Variants in PAK5 observed in about 807,000 individuals in gnomAD.
The protein encoded by PAK5 is p21 (RAC1) activated kinase 5.
Under a neutral mutation model 65.9 loss-of-function variants are expected in PAK5, and 16 were observed. The observed-to-expected ratio is 0.24, with a 90% CI of 0.16 to 0.37. The LOEUF (loss-of-function observed/expected upper bound fraction) is 0.37, where lower values mean the gene tolerates loss of function less well. Among genes scored for constraint, PAK5 ranks in the 10% least tolerant of loss-of-function variants. The pLI is 1.00. For missense variants in PAK5, 785 were observed against 903.9 expected (o/e 0.87, Z 1.69); for synonymous variants, 371 against 354.9 (o/e 1.05, Z -0.51).
intron 1 of PAK5, among the ~76,000 whole-genome samples, chr20:9,715,367 A>G (rs2123499513): frequency 6.6e-6 from 1 of 152,214 alleles, no homozygotes; most frequent in Non-Finnish European, 1.5e-5. Context: ...CACCAGTTAG[A>G]ATGGCGATCA....
rs546330896 is a variant in PAK5, at chr20:9,692,795, CCAA to C, written c.-12+18488_-12+18490del. Among the ~76,000 whole-genome samples, 206 of 152,058 alleles carry C rather than the reference CCAA, an allele frequency of 1.4e-3. 4 individuals carry two copies. Among genetic ancestry groups the C allele is most frequent in the Admixed American group, 0.01 (157 of 15,256 alleles). ...TAGAATGAGTGAGAGTTCACCTGGG[CCAA>C]TCAATACCAGCTTGGCAGCTGTGTG... On this transcript the variant is annotated intron_variant, in intron 2 of 9. Coordinates refer to ENST00000353224, the MANE Select transcript of PAK5 (RefSeq NM_177990.4).
chr20:9,779,111 G>A (rs181504245), intron 1 of PAK5, among the ~76,000 whole-genome samples: 2 of 152,046 alleles, frequency 1.3e-5, no homozygotes, highest in African/African-American at 4.8e-5. Context: ...ATATTCAAAT[G>A]GACAAGATAT....
At chr20:9,797,583 C>T (rs1371727032) in intron 1 of PAK5, among the ~76,000 whole-genome samples, 7 of 151,216 alleles carry the variant, frequency 4.6e-5, no homozygotes, top group Admixed American at 4.6e-4. Flanking sequence ...CAACACGGCA[C>T]ATGTATGCAT....
At chr20:9,674,936 G>A (rs988569775) in intron 2 of PAK5, among the ~76,000 whole-genome samples, 1 of 152,164 alleles carries the variant, frequency 6.6e-6, no homozygotes, top group Non-Finnish European at 1.5e-5. Flanking sequence ...CTCAGAGAAG[G>A]AGCTAGCTGC....
intron 1 of PAK5, among the ~76,000 whole-genome samples, chr20:9,716,940 C>G (rs2048154534): frequency 6.6e-6 from 1 of 151,884 alleles, no homozygotes; most frequent in African/African-American, 2.4e-5. Context: ...CAAAAATGAG[C>G]TGGGTGTGGT....
chr20:9,644,459 T>G, intron 2 of PAK5, 120 bp from the exon 3 acceptor site: 1 of 651,354 alleles, frequency 1.5e-6, no homozygotes, highest in Non-Finnish European at 2.6e-6. Flanking sequence ...AGATCCCAGC[T>G]GCAAAAGATA....
chr20:9,591,045 T>C (rs1436302087), intron 3 of PAK5, among the ~76,000 whole-genome samples: 1 of 152,326 alleles, frequency 6.6e-6, no homozygotes. Flanking sequence ...AGTCCGTAAA[T>C]TGGTTTAATA....
intron 1 of PAK5, among the ~76,000 whole-genome samples, chr20:9,815,923 G>C (rs1474411413): frequency 1.3e-5 from 2 of 152,120 alleles, no homozygotes; most frequent in East Asian, 3.8e-4. Context: ...CATAATGAAG[G>C]TTGCTCTGTA....
At chr20:9,637,368 C>T (rs2046995976) in intron 3 of PAK5, among the ~76,000 whole-genome samples, 1 of 152,058 alleles carries the variant, frequency 6.6e-6, no homozygotes, top group Admixed American at 6.6e-5. Context: ...GACATTATCA[C>T]ATGTAATGTA....
chr20:9,792,816 C>G (rs1254439385), intron 1 of PAK5, among the ~76,000 whole-genome samples: 1 of 152,044 alleles, frequency 6.6e-6, no homozygotes, highest in African/African-American at 2.4e-5. Flanking sequence ...TATTTAACCT[C>G]GGATCAAGTG....
chr20:9,796,538 G>C (rs1270109072), intron 1 of PAK5, among the ~76,000 whole-genome samples: 3 of 152,106 alleles, frequency 2.0e-5, no homozygotes, highest in African/African-American at 7.2e-5. Flanking sequence ...TAAATGAAAA[G>C]TTTAAATTTT....
At chr20:9,581,556 A>G (rs1195665623) in intron 3 of PAK5, among the ~76,000 whole-genome samples, 1 of 152,184 alleles carries the variant, frequency 6.6e-6, no homozygotes, top group Admixed American at 6.6e-5. Flanking sequence ...TTATGATCAA[A>G]TGTGATATTC....
At chr20:9,576,723 G>A (rs112802323) in intron 4 of PAK5, among the ~76,000 whole-genome samples, 2 of 152,350 alleles carry the variant, frequency 1.3e-5, no homozygotes, top group Admixed American at 6.5e-5. Flanking sequence ...TGCATGCAAT[G>A]TCTGGTAAAA....
chr20:9,735,740 T>TG (rs1474712356), intron 1 of PAK5, among the ~76,000 whole-genome samples: 1 of 151,836 alleles, frequency 6.6e-6, no homozygotes, highest in Non-Finnish European at 1.5e-5. Context: ...TATCCACCAC[T>TG]GGCCAGGCGC....
chr20:9,596,725 G>C (rs987833963), intron 3 of PAK5, among the ~76,000 whole-genome samples: 9 of 150,728 alleles, frequency 6.0e-5, no homozygotes, highest in Non-Finnish European at 1.0e-4. Flanking sequence ...GCACCCAAGA[G>C]CAAATACTTA....
chr20:9,630,330 C>T (rs2046905438), intron 3 of PAK5, among the ~76,000 whole-genome samples: 1 of 152,154 alleles, frequency 6.6e-6, no homozygotes, highest in Admixed American at 6.5e-5. Flanking sequence ...TATGCAGTTA[C>T]ACGAAGGGGT....
At position 9,580,428 on chromosome 20, in the gene PAK5, G is replaced by C. The variant is rs751155368; in HGVS notation, c.707C>G (p.Pro236Arg). 6.2e-7 allele frequency: 1 copy of C among 1,613,950 alleles called. No individual in the cohort carries two copies. The highest frequency in any genetic ancestry group is 8.5e-7 in the Non-Finnish European group (1 of 1,180,022). The change falls in exon 4 of 10, where the codon CCT (proline) becomes CGT (arginine). Residue 236 changes from proline (P) to arginine (R), a missense_variant. Transcript: ENST00000353224. ...SPLDYSFQFT[P>R]SRTAGTSGCS... ...CCCGCTGGTCCCTGCAGTTCTAGAA[G>C]GTGTGAATTGGAATGAATAATCCAG...
At chr20:9,642,160 G>A (rs1358326589) in intron 3 of PAK5, among the ~76,000 whole-genome samples, 2 of 152,146 alleles carry the variant, frequency 1.3e-5, no homozygotes, top group Non-Finnish European at 2.9e-5. Context: ...TCTCACTTTG[G>A]GTATATACCC....
chr20:9,621,264 T>A (rs1045322239), intron 3 of PAK5, among the ~76,000 whole-genome samples: 1 of 151,870 alleles, frequency 6.6e-6, no homozygotes, highest in Admixed American at 6.6e-5. Context: ...AGACTTAACA[T>A]GCAAAATAAG....
Sources: gnomAD v4.1 joint callset for allele counts (sites outside exome capture counted in the v4.1 genomes callset) on GRCh38, gnomAD v4.1.1 for gene constraint, MANE v1.5 for transcripts, NCBI Gene and HGNC (gene_info 2026-07-23, HGNC 2026-07-21) for gene names.